Variants in TMEM117 observed in about 807,000 individuals in gnomAD.
TMEM117 encodes transmembrane protein 117.
Under a neutral mutation model 52.4 loss-of-function variants are expected in TMEM117, and 27 were observed. That is an observed-to-expected ratio of 0.51 (90% CI 0.38 to 0.71). TMEM117 has a LOEUF of 0.71. Ranked by LOEUF, TMEM117 falls within the 30% of genes least tolerant of loss-of-function variation. The probability of loss-of-function intolerance (pLI) is 0.00; values close to 1 mark genes in which losing one functional copy is unlikely to be tolerated. For missense variants in TMEM117, 556 were observed against 630.5 expected, an observed-to-expected ratio of 0.88 and a Z score of 1.26; for synonymous variants, 215 against 206.3, an observed-to-expected ratio of 1.04 and a Z score of -0.36.
chr12:44,154,985 G>T (rs1029811489), intron 4 of TMEM117, among the ~76,000 whole-genome samples: 1 of 151,924 alleles, frequency 6.6e-6, no homozygotes, highest in Non-Finnish European at 1.5e-5. Context: ...TTTGTGAAGT[G>T]CAGAGCTTAT....
intron 6 of TMEM117, among the ~76,000 whole-genome samples, chr12:44,363,125 C>T (rs756176966): frequency 6.6e-6 from 1 of 152,162 alleles, no homozygotes; most frequent in Admixed American, 6.6e-5. Context: ...CAAAAACACT[C>T]ATGGGACTGG....
the TMEM117 span, among the ~76,000 whole-genome samples, chr12:43,819,365 T>C: frequency 7.2e-5 from 11 of 152,244 alleles, no homozygotes; most frequent in Admixed American, 7.2e-4. Context: ...TAAGCTGAAC[T>C]TTCCTATCTT....
intron 3 of TMEM117, among the ~76,000 whole-genome samples, chr12:44,128,570 A>G (rs897156504): frequency 3.3e-5 from 5 of 152,186 alleles, no homozygotes; most frequent in African/African-American, 1.2e-4. Context: ...AGCTGCCTTT[A>G]AGTTCCATTG....
At chr12:43,835,732 C>T (rs933453628), upstream of TMEM117, among the ~76,000 whole-genome samples, 5 of 152,170 alleles carry the variant, frequency 3.3e-5, no homozygotes, top group African/African-American at 4.8e-5. Flanking sequence ...CCACCAGGTT[C>T]CTGAGTCCGT....
chr12:44,300,014 G>A (rs1950819383), intron 6 of TMEM117, among the ~76,000 whole-genome samples: 1 of 151,946 alleles, frequency 6.6e-6, no homozygotes, highest in Non-Finnish European at 1.5e-5. Flanking sequence ...CTAGGCTTTA[G>A]GGGGAAAAAA....
At chr12:43,830,082 T>C in the TMEM117 span, among the ~76,000 whole-genome samples, 1 of 128,878 alleles carries the variant, frequency 7.8e-6, no homozygotes, top group African/African-American at 3.1e-5. Flanking sequence ...AGCGAGACTC[T>C]GTCTCAAAAA....
At chr12:44,032,564 CTAATT>C in intron 3 of TMEM117, among the ~76,000 whole-genome samples, 1 of 152,252 alleles carries the variant, frequency 6.6e-6, no homozygotes, top group Non-Finnish European at 1.5e-5. Flanking sequence ...GGAAAGCCTT[CTAATT>C]TAGTTTATTT....
chr12:43,804,253 A>C, the TMEM117 span: 2 of 509,146 alleles, frequency 3.9e-6, no homozygotes, highest in Non-Finnish European at 7.5e-6. Flanking sequence ...GAGACACAAA[A>C]AGTAAAAGAG....
At chr12:43,979,094 A>G (rs1029656375) in intron 3 of TMEM117, among the ~76,000 whole-genome samples, 2 of 152,032 alleles carry the variant, frequency 1.3e-5, no homozygotes, top group Admixed American at 6.6e-5. Context: ...ACTTATCAGT[A>G]GTTATGTTCA....
chr12:44,194,929 A>G (rs1010976365), intron 4 of TMEM117, among the ~76,000 whole-genome samples: 7 of 152,234 alleles, frequency 4.6e-5, no homozygotes, highest in Admixed American at 4.6e-4. Context: ...AGTAAGCACA[A>G]TTAATGTAAT....
At chr12:44,289,608 A>G (rs1156374126) in intron 5 of TMEM117, among the ~76,000 whole-genome samples, 3 of 135,254 alleles carry the variant, frequency 2.2e-5, no homozygotes, top group Non-Finnish European at 4.6e-5. Flanking sequence ...GCTGGAGTGC[A>G]GTGGCACAAT....
the TMEM117 span, among the ~76,000 whole-genome samples, chr12:43,798,123 C>A: frequency 4.6e-5 from 7 of 152,048 alleles, no homozygotes; most frequent in Non-Finnish European, 7.4e-5. Context: ...AGAGTGTCAT[C>A]AGATTACACC....
intron 1 of TMEM117, among the ~76,000 whole-genome samples, chr12:43,837,835 G>T (rs1265431547): frequency 2.0e-5 from 3 of 152,158 alleles, no homozygotes; most frequent in African/African-American, 4.8e-5. Context: ...TTAAAAACTT[G>T]CATTGATTAA....
At chr12:44,074,800 A>T (rs1001305759) in intron 3 of TMEM117, among the ~76,000 whole-genome samples, 1 of 152,188 alleles carries the variant, frequency 6.6e-6, no homozygotes, top group African/African-American at 2.4e-5. Flanking sequence ...TCAGAGGAGG[A>T]GGCAAATTCA....
intron 6 of TMEM117, among the ~76,000 whole-genome samples, chr12:44,305,293 A>G (rs954840651): frequency 9.2e-5 from 14 of 152,222 alleles, no homozygotes; most frequent in African/African-American, 3.4e-4. Context: ...AACAAAAACA[A>G]AAATTGACAA....
intron 2 of TMEM117, among the ~76,000 whole-genome samples, chr12:43,923,010 T>G (rs979947978): frequency 2.6e-4 from 39 of 152,172 alleles, no homozygotes; most frequent in African/African-American, 8.4e-4. Context: ...CTGACAATAC[T>G]AGGTTGGACA....
At chr12:44,260,048 T>G (rs1422575756) in intron 5 of TMEM117, among the ~76,000 whole-genome samples, 6 of 152,180 alleles carry the variant, frequency 3.9e-5, no homozygotes, top group African/African-American at 7.2e-5. Context: ...CTGGTCAGAA[T>G]TGGCTGTGGA....
At chr12:44,140,813 A>G (rs1044315577) in intron 3 of TMEM117, among the ~76,000 whole-genome samples, 1 of 151,990 alleles carries the variant, frequency 6.6e-6, no homozygotes, top group African/African-American at 2.4e-5. Context: ...TCTGAACTCT[A>G]ATAGAGTCCT....
At chr12:43,861,357 G>A (rs1333445402) in intron 2 of TMEM117, among the ~76,000 whole-genome samples, 3 of 152,258 alleles carry the variant, frequency 2.0e-5, no homozygotes, top group Admixed American at 1.3e-4. Context: ...TTCTTTCCCT[G>A]TTATAACCCC....
Sources: allele counts gnomAD v4.1 joint callset (sites outside exome capture counted in the v4.1 genomes callset), GRCh38; gene constraint gnomAD v4.1.1; transcripts MANE v1.5; gene names NCBI Gene and HGNC (gene_info 2026-07-23, HGNC 2026-07-21).